The following ZNF804B variants were observed in gnomAD, a reference collection of about 807,000 sequenced individuals.
ZNF804B encodes the protein zinc finger 804B.
A neutral mutation model predicts 101.4 loss-of-function variants in ZNF804B; 80 were observed. The ratio of observed to expected loss-of-function variants is 0.79; its 90% CI spans 0.66 to 0.95. The LOEUF is 0.95. Among genes scored for constraint, ZNF804B ranks in the 40% least tolerant of loss-of-function variants. The probability of loss-of-function intolerance (pLI) is 0.00; values close to 1 mark genes in which losing one functional copy is unlikely to be tolerated. For synonymous variants in ZNF804B, 622 were observed against 558.8 expected, an observed-to-expected ratio of 1.11 and a Z score of -1.59; for missense variants, 1,673 against 1,561.9, an observed-to-expected ratio of 1.07 and a Z score of -1.20.
chr7:89,285,547 AAGAAG>A (rs1223824803), intron 2 of ZNF804B, among the ~76,000 whole-genome samples: 1 of 85,466 alleles, frequency 1.2e-5, no homozygotes, highest in South Asian at 3.7e-4. Context: ...AAAAAAAAAA[AAGAAG>A]AAGAAGAAGA....
chr7:89,249,523 CT>C (rs1437151331), intron 2 of ZNF804B, among the ~76,000 whole-genome samples: 1 of 152,030 alleles, frequency 6.6e-6, no homozygotes. Flanking sequence ...CACCTTGCTA[CT>C]CAATGACTTT....
At chr7:89,332,239 G>C (rs1300180175) in intron 3 of ZNF804B, among the ~76,000 whole-genome samples, 1 of 151,572 alleles carries the variant, frequency 6.6e-6, no homozygotes. Flanking sequence ...TCTAGAGTTC[G>C]ATGCTGATTT....
At chr7:89,275,296 C>A (rs1187521036) in intron 2 of ZNF804B, among the ~76,000 whole-genome samples, 3 of 151,932 alleles carry the variant, frequency 2.0e-5, no homozygotes, top group Non-Finnish European at 2.9e-5. Context: ...TGTTAACACC[C>A]AGAAATACTG....
intron 2 of ZNF804B, among the ~76,000 whole-genome samples, chr7:89,301,327 C>T (rs535399329): frequency 7.1e-6 from 1 of 139,914 alleles, no homozygotes; most frequent in South Asian, 2.2e-4. Flanking sequence ...GGCCTGCAGT[C>T]GTTGATCTTG....
At chr7:89,104,392 A>G (rs1790103771) in intron 1 of ZNF804B, among the ~76,000 whole-genome samples, 1 of 152,004 alleles carries the variant, frequency 6.6e-6, no homozygotes, top group Non-Finnish European at 1.5e-5. Context: ...AGATTTTTCT[A>G]CTACTGATTC....
intron 1 of ZNF804B, among the ~76,000 whole-genome samples, chr7:88,968,591 C>G (rs1793489567): frequency 6.6e-6 from 1 of 151,538 alleles, no homozygotes; most frequent in Admixed American, 6.6e-5. Context: ...AACTGATTGT[C>G]TAGAATGAAT....
chr7:88,891,637 C>A (rs913736005), intron 1 of ZNF804B, among the ~76,000 whole-genome samples: 1 of 148,796 alleles, frequency 6.7e-6, no homozygotes, highest in East Asian at 2.0e-4. Context: ...TTTTTTTTAA[C>A]TTTTAGCCTT....
chr7:88,996,085 A>G (rs1188969662), intron 1 of ZNF804B, among the ~76,000 whole-genome samples: 1 of 152,068 alleles, frequency 6.6e-6, no homozygotes, highest in Non-Finnish European at 1.5e-5. Context: ...AAATCTAAGG[A>G]AAGCTGCACG....
At chr7:89,192,347 C>G (rs1450640297) in intron 1 of ZNF804B, among the ~76,000 whole-genome samples, 2 of 151,908 alleles carry the variant, frequency 1.3e-5, no homozygotes, top group Non-Finnish European at 2.9e-5. Context: ...TGAAAACAAG[C>G]TAATTACCCA....
chr7:88,808,784 C>A (rs185912566), intron 1 of ZNF804B, among the ~76,000 whole-genome samples: 189 of 152,214 alleles, frequency 1.2e-3, no homozygotes, highest in African/African-American at 4.3e-3. Context: ...TGAAAGTTAA[C>A]CTAACTTAAA....
intron 1 of ZNF804B, among the ~76,000 whole-genome samples, chr7:88,960,975 A>G (rs1793379045): frequency 6.6e-6 from 1 of 151,426 alleles, no homozygotes; most frequent in South Asian, 2.1e-4. Flanking sequence ...AACCTTGGAT[A>G]ATTAAGATTT....
chr7:89,044,030 G>A (rs1194128823), intron 1 of ZNF804B, among the ~76,000 whole-genome samples: 1 of 152,178 alleles, frequency 6.6e-6, no homozygotes, highest in East Asian at 1.9e-4. Context: ...CATGGATTAT[G>A]TTATTATGAC....
At chr7:88,950,662 GT>G (rs68177796) in intron 1 of ZNF804B, among the ~76,000 whole-genome samples, 30,259 of 149,510 alleles carry the variant, frequency 0.2, 3,169 homozygotes, top group East Asian at 0.31. Flanking sequence ...TAGAAAATAT[GT>G]TTTTTTTTTC....
chr7:88,997,310 T>C (rs1788216677), intron 1 of ZNF804B, among the ~76,000 whole-genome samples: 1 of 152,126 alleles, frequency 6.6e-6, no homozygotes, highest in South Asian at 2.1e-4. Flanking sequence ...TGTGGTTGAA[T>C]TTCAAAAGTT....
intron 1 of ZNF804B, among the ~76,000 whole-genome samples, chr7:88,846,827 G>A (rs1442460381): frequency 6.6e-6 from 1 of 150,888 alleles, no homozygotes. Flanking sequence ...ACTACCATAT[G>A]TGTGTATATA....
chr7:89,180,073 C>G (rs998779464), intron 1 of ZNF804B, among the ~76,000 whole-genome samples: 3 of 152,142 alleles, frequency 2.0e-5, no homozygotes, highest in Admixed American at 6.6e-5. Flanking sequence ...CTGTGTCCAC[C>G]ACACTGGGAC....
At chr7:89,304,647 C>G (rs961884263) in intron 2 of ZNF804B, among the ~76,000 whole-genome samples, 2 of 151,866 alleles carry the variant, frequency 1.3e-5, no homozygotes, top group Non-Finnish European at 2.9e-5. Flanking sequence ...TCAAACTTAT[C>G]TCTTAATAGA....
chr7:89,230,308 GGAGAGA>G lies in ZNF804B; in HGVS notation c.249+12026_249+12031del, dbSNP rs58208342. 3.7e-3 allele frequency among the ~76,000 whole-genome samples: 545 copies of G among 149,024 alleles called. 7 individuals are homozygous for G. Among genetic ancestry groups the G allele is most frequent in the African/African-American group, 0.013 (508 of 40,604 alleles). On this transcript the variant is annotated intron_variant, in intron 2 of 3. Transcript: ENST00000333190. ...AGGAGAGAGATAGACATGGGGAGGGGGAGAGAGAGAGAGAGAGAATGAGCGAGTTAG... is the reference window on the plus strand; with the variant it reads ...AGGAGAGAGATAGACATGGGGAGGGGGAGAGAGAGAGAATGAGCGAGTTAG...
chr7:89,241,650 A>G (rs1036166117), intron 2 of ZNF804B, among the ~76,000 whole-genome samples: 2 of 152,114 alleles, frequency 1.3e-5, no homozygotes, highest in Non-Finnish European at 2.9e-5. Flanking sequence ...CTATATCTCA[A>G]TAGAATGAGC....
Sources: allele counts gnomAD v4.1 joint callset (sites outside exome capture counted in the v4.1 genomes callset), GRCh38; gene constraint gnomAD v4.1.1; transcripts MANE v1.5; gene names NCBI Gene and HGNC (gene_info 2026-07-23, HGNC 2026-07-21).